The following CAMKMT variants were observed in gnomAD, a reference collection of about 807,000 sequenced individuals.
CAMKMT encodes the protein calmodulin-lysine N-methyltransferase, also known as CaM KMT.
In CAMKMT, 53 loss-of-function variants were observed where a neutral mutation model predicts 48.0. That is an observed-to-expected ratio of 1.10 (90% CI 0.89 to 1.39). CAMKMT has a LOEUF of 1.39. Ranked by LOEUF, CAMKMT falls within the 40% of genes most tolerant of loss-of-function variation. The probability of loss-of-function intolerance (pLI) is 0.00; values close to 1 mark genes in which losing one functional copy is unlikely to be tolerated. For missense variants in CAMKMT, 428 were observed against 402.7 expected (o/e 1.06, Z -0.54); for synonymous variants, 165 against 152.3 (o/e 1.08, Z -0.61).
At chr2:44,689,431 C>T (rs573443101) in intron 3 of CAMKMT, among the ~76,000 whole-genome samples, 13 of 151,730 alleles carry the variant, frequency 8.6e-5, no homozygotes, top group African/African-American at 2.9e-4. Context: ...CCCTGTAACA[C>T]GGCACAGTTT....
intron 3 of CAMKMT, among the ~76,000 whole-genome samples, chr2:44,686,867 G>T (rs886100492): frequency 1.3e-5 from 2 of 152,170 alleles, no homozygotes; most frequent in African/African-American, 4.8e-5. Flanking sequence ...TCTTGGACTG[G>T]CACCTAGCAC....
chr2:44,478,475 T>C (rs13418572), intron 3 of CAMKMT, among the ~76,000 whole-genome samples: 75,066 of 151,850 alleles, frequency 0.49, 20,415 homozygotes, highest in Middle Eastern at 0.62. Context: ...AGATTTTCTT[T>C]AGTTTATAGA....
intron 3 of CAMKMT, among the ~76,000 whole-genome samples, chr2:44,643,161 AG>A (rs1275572375): frequency 6.6e-6 from 1 of 152,214 alleles, no homozygotes; most frequent in Non-Finnish European, 1.5e-5. Flanking sequence ...GTATATTGAA[AG>A]CTCTTCTATT....
intron 3 of CAMKMT, among the ~76,000 whole-genome samples, chr2:44,626,513 A>T (rs1672490329): frequency 6.6e-6 from 1 of 152,182 alleles, no homozygotes; most frequent in South Asian, 2.1e-4. Flanking sequence ...GGTAGCTTAT[A>T]AAAAACAGAA....
At chr2:44,384,023 T>C (rs1680525867) in intron 2 of CAMKMT, among the ~76,000 whole-genome samples, 1 of 152,162 alleles carries the variant, frequency 6.6e-6, no homozygotes, top group South Asian at 2.1e-4. Flanking sequence ...ATGGTAGTTC[T>C]ACTTTTAGTT....
At chr2:44,644,108 A>G (rs1337532263) in intron 3 of CAMKMT, among the ~76,000 whole-genome samples, 2 of 152,332 alleles carry the variant, frequency 1.3e-5, no homozygotes, top group East Asian at 1.9e-4. Flanking sequence ...GCCATTATCT[A>G]ATTGCTCACA....
chr2:44,760,051 G>A (rs559943383), intron 9 of CAMKMT, among the ~76,000 whole-genome samples: 1 of 152,242 alleles, frequency 6.6e-6, no homozygotes, highest in South Asian at 2.1e-4. Flanking sequence ...GAGGAATGTG[G>A]GCTAGGAGAA....
chr2:44,389,985 C>G (rs1681167349), intron 2 of CAMKMT, among the ~76,000 whole-genome samples: 1 of 152,038 alleles, frequency 6.6e-6, no homozygotes, highest in Non-Finnish European at 1.5e-5. Flanking sequence ...GAAAACCCAA[C>G]AAGTAAATAT....
chr2:44,567,731 T>A (rs1668690688), intron 3 of CAMKMT, among the ~76,000 whole-genome samples: 1 of 152,184 alleles, frequency 6.6e-6, no homozygotes, highest in Non-Finnish European at 1.5e-5. Context: ...TCTTGTCCTG[T>A]CACGTCCTGC....
intron 3 of CAMKMT, among the ~76,000 whole-genome samples, chr2:44,464,621 G>C (rs1031258940): frequency 2.0e-5 from 3 of 152,140 alleles, no homozygotes; most frequent in African/African-American, 7.2e-5. Context: ...GCTCCCATAA[G>C]TTATCAGTGG....
At chr2:44,518,645 G>A (rs1670951649) in intron 3 of CAMKMT, among the ~76,000 whole-genome samples, 1 of 152,134 alleles carries the variant, frequency 6.6e-6, no homozygotes, top group East Asian at 1.9e-4. Context: ...GAAGATATGT[G>A]GAAAAGCTAT....
chr2:44,756,751 AAAAAAG>A (rs1424610385), intron 9 of CAMKMT, among the ~76,000 whole-genome samples: 6 of 151,898 alleles, frequency 4.0e-5, no homozygotes, highest in African/African-American at 4.8e-5. Flanking sequence ...CAAAAAAAAA[AAAAAAG>A]AAAAAGAAAA....
intron 3 of CAMKMT, chr2:44,631,457 G>GAA: frequency 1.8e-5 from 10 of 569,216 alleles, no homozygotes; most frequent in South Asian, 4.6e-5. Context: ...GTTTAAATAA[G>GAA]AAAAAAAAAC....
chr2:44,551,995 AT>A (rs1667741589), intron 3 of CAMKMT, among the ~76,000 whole-genome samples: 1 of 152,094 alleles, frequency 6.6e-6, no homozygotes, highest in African/African-American at 2.4e-5. Flanking sequence ...TTTAGTTTTC[AT>A]TTTTTAATAG....
intron 7 of CAMKMT, among the ~76,000 whole-genome samples, chr2:44,736,294 G>A (rs1679353491): frequency 6.6e-6 from 1 of 152,078 alleles, no homozygotes; most frequent in South Asian, 2.1e-4. Flanking sequence ...TACAATTCTA[G>A]GTTGACAGTT....
At chr2:44,504,017 C>G (rs786410) in intron 3 of CAMKMT, among the ~76,000 whole-genome samples, 99,808 of 148,460 alleles carry the variant, frequency 0.67, 33,618 homozygotes, top group Admixed American at 0.72. Context: ...GAAAACGAAA[C>G]GGGAAGGGGG....
At chr2:44,548,067 A>G (rs1284352277) in intron 3 of CAMKMT, among the ~76,000 whole-genome samples, 2 of 152,204 alleles carry the variant, frequency 1.3e-5, no homozygotes, top group East Asian at 3.9e-4. Context: ...AAAGCACAGA[A>G]TATGCTGAGT....
At chr2:44,748,082 T>A (rs1335077066) in intron 8 of CAMKMT, among the ~76,000 whole-genome samples, 2 of 152,198 alleles carry the variant, frequency 1.3e-5, no homozygotes, top group Admixed American at 1.3e-4. Context: ...CAGGAGATTA[T>A]ATATCATTCC....
intron 3 of CAMKMT, among the ~76,000 whole-genome samples, chr2:44,634,037 A>G (rs899235055): frequency 6.6e-6 from 1 of 152,018 alleles, no homozygotes. Flanking sequence ...TTTTCACTGA[A>G]TGCCTCTGTT....
Sources: allele counts gnomAD v4.1 joint callset (sites outside exome capture counted in the v4.1 genomes callset), GRCh38; gene constraint gnomAD v4.1.1; transcripts MANE v1.5; gene names NCBI Gene and HGNC (gene_info 2026-07-23, HGNC 2026-07-21).